Variants in CAPN13 observed in about 807,000 individuals in gnomAD.
The protein encoded by CAPN13 is calpain-13.
In CAPN13, 90 loss-of-function variants were observed where a neutral mutation model predicts 98.4. The ratio of observed to expected loss-of-function variants is 0.92; its 90% CI spans 0.77 to 1.09. CAPN13 has a LOEUF of 1.09. Ranked by LOEUF, CAPN13 falls within the 50% of genes least tolerant of loss-of-function variation. The pLI is 0.00. For missense variants in CAPN13, 887 were observed against 841.3 expected (o/e 1.05, Z -0.67); for synonymous variants, 330 against 305.5 (o/e 1.08, Z -0.84).
At chr2:30,802,718 G>T (rs1266834326) in intron 1 of CAPN13, among the ~76,000 whole-genome samples, 1 of 152,210 alleles carries the variant, frequency 6.6e-6, no homozygotes, top group Non-Finnish European at 1.5e-5. Flanking sequence ...ACCAGCTCTT[G>T]CAGGGTCCAC....
At chr2:30,738,878 T>C (rs891036468) in intron 15 of CAPN13, among the ~76,000 whole-genome samples, 2 of 72,076 alleles carry the variant, frequency 2.8e-5, no homozygotes, top group Non-Finnish European at 6.7e-5. Context: ...GTGTGTGTGT[T>C]GTGTGTATGT....
At chr2:30,776,378 AT>A (rs1206043555) in intron 3 of CAPN13, among the ~76,000 whole-genome samples, 1 of 151,862 alleles carries the variant, frequency 6.6e-6, no homozygotes, top group Non-Finnish European at 1.5e-5. Context: ...AGCCCGGCTA[AT>A]TTTTTTTATT....
chr2:30,745,223 A>G (rs771153260), intron 12 of CAPN13: 3 of 472,376 alleles, frequency 6.4e-6, no homozygotes, highest in South Asian at 4.6e-5. Context: ...ATCCTTCCTC[A>G]TATGGGCAAG....
chr2:30,806,585 CT>C (rs1252247084), intron 1 of CAPN13, among the ~76,000 whole-genome samples: 1 of 152,168 alleles, frequency 6.6e-6, no homozygotes, highest in African/African-American at 2.4e-5. Flanking sequence ...CCAACTGTAA[CT>C]ATAGAGGGAA....
intron 1 of CAPN13, among the ~76,000 whole-genome samples, chr2:30,805,006 G>A (rs925291499): frequency 6.6e-6 from 1 of 152,112 alleles, no homozygotes; most frequent in Non-Finnish European, 1.5e-5. Context: ...CTGTCTCTAG[G>A]ACTCTTGGTC....
intron 17 of CAPN13, chr2:30,737,472 G>C (rs1458289183): frequency 2.6e-5 from 4 of 152,532 alleles, no homozygotes; most frequent in African/African-American, 9.7e-5. Flanking sequence ...GAAGAGGATG[G>C]CTCACTGGGG....
chr2:30,727,442 A>G (rs776179453), intron 22 of CAPN13, among the ~76,000 whole-genome samples: 4 of 152,244 alleles, frequency 2.6e-5, no homozygotes, highest in Non-Finnish European at 5.9e-5. Context: ...TACAATATAC[A>G]AAGAACATCT....
At chr2:30,734,350 G>C in intron 19 of CAPN13, 99 bp downstream of exon 19, 1 of 894,766 alleles carries the variant, frequency 1.1e-6, no homozygotes, top group East Asian at 2.6e-5. Context: ...CCTCTCTCCT[G>C]ATTGCCTGGC....
intron 17 of CAPN13, 145 bp downstream of exon 17, chr2:30,738,090 A>G (rs1007121820): frequency 2.5e-6 from 2 of 794,136 alleles, no homozygotes; most frequent in Admixed American, 4.1e-5. Context: ...GTGAGTTAGT[A>G]GAGAATCCCC....
At chr2:30,734,699 G>C (rs1445612775) in intron 18 of CAPN13, among the ~76,000 whole-genome samples, 175 bp from the exon 19 acceptor site, 2 of 152,212 alleles carry the variant, frequency 1.3e-5, no homozygotes, top group African/African-American at 4.8e-5. Flanking sequence ...GCTGCCCGCT[G>C]AGGGGCTGTG....
rs537121653 is a variant in CAPN13, at chr2:30,760,391, A to G, written c.775-2254T>C. 2.0e-5 allele frequency among the ~76,000 whole-genome samples: 3 copies of G among 152,302 alleles called. No individual in the cohort carries two copies. The East Asian group carries it at 5.8e-4, about 29-fold the overall frequency. ...GGTCACTTGGTGTCCCAAACAGCTT[A>G]ATGAGCCACCGTCAGTGCCTCACAG... is the stretch of plus-strand genomic sequence containing the variant. On this transcript the variant is annotated intron_variant, in intron 7 of 22. Coordinates refer to ENST00000295055, the MANE Select transcript of CAPN13 (RefSeq NM_144575.3).
chr2:30,802,035 C>T (rs907660882), intron 1 of CAPN13, among the ~76,000 whole-genome samples: 2 of 152,292 alleles, frequency 1.3e-5, no homozygotes, highest in South Asian at 2.1e-4. Context: ...ACAGTAGAGC[C>T]GGCTGATGGA....
At chr2:30,752,800 G>A (rs78448091) in intron 10 of CAPN13, among the ~76,000 whole-genome samples, 4,415 of 152,342 alleles carry the variant, frequency 0.029, 191 homozygotes, top group African/African-American at 0.099. Flanking sequence ...GCGGGAGGGT[G>A]TTAGTGGAAG....
chr2:30,780,313 C>A lies in CAPN13; in HGVS notation c.199-2674G>T, dbSNP rs193090297. On this transcript the variant is annotated intron_variant, in intron 2 of 22. Transcript: ENST00000295055. ...TTAAGAAGCCAGCATAGCCTTGATGCCCAACCTGAGAGAAAACACACAGAC... is the reference window on the plus strand; with the variant it reads ...TTAAGAAGCCAGCATAGCCTTGATGACCAACCTGAGAGAAAACACACAGAC... Among the ~76,000 whole-genome samples, 98 of 152,314 alleles carry A rather than the reference C, an allele frequency of 6.4e-4. 2 individuals are homozygous for A. The East Asian group carries it at 0.018, about 28-fold the overall frequency.
chr2:30,753,568 A>G (rs1672287012), intron 9 of CAPN13, among the ~76,000 whole-genome samples: 1 of 152,110 alleles, frequency 6.6e-6, no homozygotes, highest in African/African-American at 2.4e-5. Context: ...GTGTTTTGCC[A>G]AATTTATTGT....
Position 30,768,363 on chromosome 2 carries a change from C to T in CAPN13, c.524+1950G>A, listed in dbSNP as rs568849719. On this transcript the variant is annotated intron_variant, in intron 5 of 22. Transcript: ENST00000295055. Reference sequence around the variant, plus strand: ...TGAGGAGTTCAGAGGAAGTGGGGGTCCTGAGAAATGTGGAGCGAGGAGGCA... The same window carrying T: ...TGAGGAGTTCAGAGGAAGTGGGGGTTCTGAGAAATGTGGAGCGAGGAGGCA... Among the ~76,000 whole-genome samples the T allele has an allele frequency of 1.2e-4, 18 of 152,288 alleles. No individual in the cohort carries two copies. In the South Asian group the frequency reaches 3.5e-3, roughly 30 times the overall value.
rs60866454 is a variant in CAPN13, at chr2:30,746,603, A to T, written c.1237-869T>A. 1.9e-3 allele frequency: 374 copies of T among 197,720 alleles called. 2 individuals are homozygous for T. The highest frequency in any genetic ancestry group is 8.5e-3 in the African/African-American group (363 of 42,802). The allele number at this position is 197,720 out of a possible 1,614,324, so 12.2% of individuals were successfully genotyped here. On this transcript the variant is annotated intron_variant, in intron 11 of 22. Coordinates refer to ENST00000295055, the MANE Select transcript of CAPN13 (RefSeq NM_144575.3). ...CACACATCTCCCCATGCTTGTGGAT[A>T]GATTTGGTGATCTGCTGGGTGTCAA...
At chr2:30,801,798 G>T (rs753030608) in intron 1 of CAPN13, among the ~76,000 whole-genome samples, 3 of 152,024 alleles carry the variant, frequency 2.0e-5, no homozygotes, top group Non-Finnish European at 4.4e-5. Flanking sequence ...AGATGGCCCA[G>T]ACGCAGGGAG....
intron 10 of CAPN13, among the ~76,000 whole-genome samples, chr2:30,751,902 C>T (rs1185011750): frequency 6.6e-6 from 1 of 152,234 alleles, no homozygotes; most frequent in Non-Finnish European, 1.5e-5. Flanking sequence ...ATCTGCAGCA[C>T]ATAGCAGGTG....
Sources: gnomAD v4.1 joint callset for allele counts (sites outside exome capture counted in the v4.1 genomes callset) on GRCh38, gnomAD v4.1.1 for gene constraint, MANE v1.5 for transcripts, NCBI Gene and HGNC (gene_info 2026-07-23, HGNC 2026-07-21) for gene names.